Variants in SENP1 observed in about 807,000 individuals in gnomAD.
SENP1 encodes SUMO specific peptidase 1.
Under a neutral mutation model 93.0 loss-of-function variants are expected in SENP1, and 21 were observed. The ratio of observed to expected loss-of-function variants is 0.23; its 90% CI spans 0.16 to 0.33. The LOEUF (loss-of-function observed/expected upper bound fraction) is 0.33, where lower values mean the gene tolerates loss of function less well. Among genes scored for constraint, SENP1 ranks in the 10% least tolerant of loss-of-function variants. The pLI, the probability that SENP1 is intolerant of heterozygous loss-of-function variation, is 1.00. For synonymous variants in SENP1, 256 were observed against 259.6 expected (o/e 0.99, Z 0.13); for missense variants, 591 against 758.7 (o/e 0.78, Z 2.60).
intron 5 of SENP1, chr12:48,085,418 C>T (rs1325788221): frequency 1.8e-6 from 2 of 1,119,584 alleles, no homozygotes; most frequent in Non-Finnish European, 2.6e-6. Context: ...AAGACCTGTG[C>T]TAGGGTCTTT....
intron 3 of SENP1, 140 bp from the exon 4 acceptor site, chr12:48,096,567 T>C (rs1175240782): frequency 3.5e-6 from 2 of 575,290 alleles, no homozygotes; most frequent in Non-Finnish European, 6.2e-6. Context: ...GTGATTCTCC[T>C]GCCTCAGCCT....
At chr12:48,095,334 C>T (rs10875740) in intron 4 of SENP1, among the ~76,000 whole-genome samples, 25,282 of 151,754 alleles carry the variant, frequency 0.17, 2,437 homozygotes, top group East Asian at 0.28. Context: ...GTTAAGAGTT[C>T]GGACCAGCCT....
At chr12:48,047,962 C>T (rs1177664175) in intron 15 of SENP1, 39 bp downstream of exon 15, 4 of 1,342,876 alleles carry the variant, frequency 3.0e-6, no homozygotes, top group East Asian at 2.3e-5. Context: ...ACCACCTATA[C>T]CCGATATCAA....
At chr12:48,090,913 G>C (rs76105297) in intron 4 of SENP1, among the ~76,000 whole-genome samples, 3,199 of 152,200 alleles carry the variant, frequency 0.021, 51 homozygotes, top group Non-Finnish European at 0.032. Flanking sequence ...CACATATAGT[G>C]AGAGTTTAAC....
chr12:48,071,608 TC>T (rs1403318345), intron 9 of SENP1, 58 bp downstream of exon 9: 26 of 1,215,544 alleles, frequency 2.1e-5, no homozygotes, highest in Non-Finnish European at 2.9e-5. Flanking sequence ...AGAGCGAGAC[TC>T]CGTCTCAAAA....
intron 9 of SENP1, among the ~76,000 whole-genome samples, chr12:48,068,815 A>C (rs1943468147): frequency 6.6e-6 from 1 of 152,160 alleles, no homozygotes; most frequent in African/African-American, 2.4e-5. Context: ...AAGTCAAAGA[A>C]ATCTTCTGAG....
chr12:48,105,774 C>G, intron 1 of SENP1: 1 of 567,966 alleles, frequency 1.8e-6, no homozygotes, highest in Non-Finnish European at 3.2e-6. Flanking sequence ...GGTCTCTCCG[C>G]GGCCCAGGAG....
At chr12:48,069,152 CAAAAAAAAAAAAA>C (rs10564674) in intron 9 of SENP1, among the ~76,000 whole-genome samples, 19 of 76,340 alleles carry the variant, frequency 2.5e-4, no homozygotes, top group Admixed American at 2.1e-3. Context: ...GACTCTGTCA[CAAAAAAAAAAAAA>C]AAAAAAAAAA....
chr12:48,100,093 T>C (rs1454140562), intron 2 of SENP1, among the ~76,000 whole-genome samples: 4 of 152,120 alleles, frequency 2.6e-5, no homozygotes, highest in Non-Finnish European at 5.9e-5. Flanking sequence ...AGAAAGCTAA[T>C]GTGAATGTAA....
chr12:48,066,789 G>A (rs1943333958), intron 10 of SENP1, 138 bp downstream of exon 10: 1 of 688,694 alleles, frequency 1.5e-6, no homozygotes. Flanking sequence ...TGGAATTACA[G>A]GCGTGAGCCA....
intron 13 of SENP1, among the ~76,000 whole-genome samples, chr12:48,058,819 T>C (rs1942763736): frequency 6.6e-6 from 1 of 152,210 alleles, no homozygotes; most frequent in Non-Finnish European, 1.5e-5. Flanking sequence ...ATATTTCTTC[T>C]GGTACAGGTC....
chr12:48,077,628 A>G (rs950551861), intron 6 of SENP1, among the ~76,000 whole-genome samples: 6 of 152,066 alleles, frequency 3.9e-5, no homozygotes, highest in Non-Finnish European at 5.9e-5. Flanking sequence ...ACATGTACAC[A>G]ACATGCAGGT....
Position 48,105,456 on chromosome 12 carries a change from C to A in SENP1, c.-45+572G>T, listed in dbSNP as rs115646828. ...GTGGCAGTTAAGGGGATTTTCATAA[C>A]CTGAGCAGGAGGGTCCAGACGTTTC... On this transcript the variant is annotated intron_variant, in intron 1 of 17. Transcript: ENST00000549518. 7.4e-4 allele frequency: 386 copies of A among 519,010 alleles called. 2 individuals carry two copies. Among genetic ancestry groups the A allele is most frequent in the African/African-American group, 6.8e-3 (354 of 52,060 alleles). 32.2% of individuals were successfully genotyped at this position (519,010 alleles called of 1,614,324 possible). A position where few individuals can be genotyped will look rare whatever the true frequency, so the allele number is the denominator to read the frequency against.
At chr12:48,085,814 G>A (rs1219421384) in intron 5 of SENP1, among the ~76,000 whole-genome samples, 1 of 152,032 alleles carries the variant, frequency 6.6e-6, no homozygotes, top group Admixed American at 6.6e-5. Flanking sequence ...ATGCAGCTAG[G>A]AAAAGATGGC....
In SENP1 at chr12:48,057,941, CTTTTTTTT is replaced by C. The variant is rs370210767; in HGVS notation, c.1407+5761_1407+5768del. ...TTTCACCTGTTTCATTTTATTTCCT[CTTTTTTTT>C]TTTTTTTTTTTTTTTGAGATAAAGT... On this transcript the variant is annotated intron_variant, in intron 13 of 17. Coordinates refer to ENST00000549518, the MANE Select transcript of SENP1 (RefSeq NM_001267594.2). 1.2e-4 allele frequency among the ~76,000 whole-genome samples: 10 copies of C among 85,684 alleles called. No homozygotes were observed. The South Asian group carries it at 3.2e-3, about 27-fold the overall frequency. 56.2% of individuals were successfully genotyped at this position (85,684 alleles called of 152,430 possible).
intron 8 of SENP1, among the ~76,000 whole-genome samples, chr12:48,073,633 AAG>A (rs539902437): frequency 6.0e-4 from 91 of 152,330 alleles, no homozygotes; most frequent in South Asian, 3.5e-3. Flanking sequence ...CTGGAATGCA[AAG>A]AGAGTGAATA....
Position 48,046,982 on chromosome 12 carries a change from C to A in SENP1, c.1772G>T (p.Ser591Ile), listed in dbSNP as rs780016003. 1 of 1,608,122 alleles carries A rather than the reference C, an allele frequency of 6.2e-7. No homozygotes were observed. The highest frequency in any genetic ancestry group is 8.5e-7 in the Non-Finnish European group (1 of 1,175,062). The change falls in exon 16 of 18, where the codon AGC becomes ATC. Residue 591 changes from serine (S) to isoleucine (I), a missense_variant. Around this residue, in one of 4 missense-constraint regions of SENP1, gnomAD observed 132 missense variants for 230.1 expected, o/e 0.57. Transcript: ENST00000549518. ...TNGWQLFSKK[S>I]QEIPQQMNGS... Reference sequence around the variant, plus strand: ...TTTCATCAAGATGAAAGGTACCTGGCTTTTCTTGCTGAAAAGCTGCCAGCC... The same window carrying A: ...TTTCATCAAGATGAAAGGTACCTGGATTTTCTTGCTGAAAAGCTGCCAGCC...
intron 5 of SENP1, chr12:48,088,567 C>T: frequency 2.1e-6 from 1 of 485,570 alleles, no homozygotes; most frequent in South Asian, 2.8e-5. Context: ...ATTCTCATAT[C>T]CACCAAGATT....
intron 4 of SENP1, among the ~76,000 whole-genome samples, chr12:48,095,850 G>T (rs1035100103): frequency 1.3e-5 from 2 of 152,288 alleles, no homozygotes; most frequent in East Asian, 3.9e-4. Flanking sequence ...AAATAGAAAA[G>T]CCCTTGAATA....
Sources: gnomAD v4.1 joint callset for allele counts (sites outside exome capture counted in the v4.1 genomes callset) on GRCh38, gnomAD v4.1.1 for gene constraint, gnomAD v4.1.1 regional missense constraint, MANE v1.5 for transcripts, NCBI Gene and HGNC (gene_info 2026-07-23, HGNC 2026-07-21) for gene names.